CREB5: variants seen among roughly 807,000 people sequenced by gnomAD.
The protein encoded by CREB5 is cyclic AMP-responsive element-binding protein 5.
Under a neutral mutation model 57.1 loss-of-function variants are expected in CREB5, and 19 were observed. That is an observed-to-expected ratio of 0.33 (90% CI 0.23 to 0.49). CREB5 has a LOEUF of 0.49. CREB5 is among the 20% of genes least tolerant of loss of function. The probability of loss-of-function intolerance (pLI) is 0.99; values close to 1 mark genes in which losing one functional copy is unlikely to be tolerated. For missense variants in CREB5, 579 were observed against 671.6 expected (o/e 0.86, Z 1.52); for synonymous variants, 238 against 238.3 (o/e 1.00, Z 0.01).
chr7:28,743,561 C>T (rs1162561555), intron 7 of CREB5, among the ~76,000 whole-genome samples: 1 of 152,092 alleles, frequency 6.6e-6, no homozygotes, highest in Non-Finnish European at 1.5e-5. Flanking sequence ...AAACGAAAAG[C>T]TTAGGAAACT....
At chr7:28,636,941 C>G (rs1798444250) in intron 5 of CREB5, among the ~76,000 whole-genome samples, 1 of 152,040 alleles carries the variant, frequency 6.6e-6, no homozygotes, top group African/African-American at 2.4e-5. Context: ...GTTGCTTGAG[C>G]CCAGGAGTCT....
chr7:28,452,874 G>C (rs1330312927), intron 1 of CREB5, among the ~76,000 whole-genome samples: 1 of 152,230 alleles, frequency 6.6e-6, no homozygotes, highest in Admixed American at 6.5e-5. Context: ...ATGGATCAAG[G>C]AGGGGTGGGA....
chr7:28,434,791 C>T (rs546875660), intron 1 of CREB5, among the ~76,000 whole-genome samples: 24 of 151,990 alleles, frequency 1.6e-4, no homozygotes, highest in Middle Eastern at 3.2e-3. Flanking sequence ...GAACCATGGC[C>T]CTGGCTTTTA....
chr7:28,814,607 T>A (rs1809314835), intron 9 of CREB5, among the ~76,000 whole-genome samples: 1 of 152,204 alleles, frequency 6.6e-6, no homozygotes, highest in Admixed American at 6.5e-5. Flanking sequence ...TTTCATTGGA[T>A]AATTGGGTAA....
chr7:28,654,848 C>T (rs998516919), intron 5 of CREB5, among the ~76,000 whole-genome samples: 6 of 152,092 alleles, frequency 3.9e-5, no homozygotes, highest in Non-Finnish European at 7.4e-5. Context: ...ATTCAAGACC[C>T]CCGTGACCTT....
chr7:28,767,124 T>G (rs1806049034), intron 7 of CREB5, among the ~76,000 whole-genome samples: 1 of 152,240 alleles, frequency 6.6e-6, no homozygotes, highest in African/African-American at 2.4e-5. Context: ...TCTTGTGTTT[T>G]GTCTTCATGT....
chr7:28,318,838 C>T (rs1583668234), intron 1 of CREB5, among the ~76,000 whole-genome samples: 1 of 152,184 alleles, frequency 6.6e-6, no homozygotes, highest in Admixed American at 6.5e-5. Context: ...AATCAAATTG[C>T]TTAGGCTTCT....
chr7:28,811,648 G>A lies in CREB5; in HGVS notation c.1254+2234G>A, dbSNP rs191533403. On this transcript the variant is annotated intron_variant, in intron 9 of 10. Transcript: ENST00000357727. ...GGCCTACAAAAGTGTTGGGATTATA[G>A]GTGTGAGCCACTATGCCCAGCCAAG... is the stretch of plus-strand genomic sequence containing the variant. Among the ~76,000 whole-genome samples the A allele has an allele frequency of 3.9e-5, 6 of 152,206 alleles. No homozygotes were observed. In the East Asian group the frequency reaches 1.2e-3, roughly 29 times the overall value.
At chr7:28,341,229 A>G (rs1036806583) in intron 1 of CREB5, among the ~76,000 whole-genome samples, 1 of 152,046 alleles carries the variant, frequency 6.6e-6, no homozygotes, top group Non-Finnish European at 1.5e-5. Context: ...TTCTACTTTA[A>G]AATTTTACAC....
intron 5 of CREB5, among the ~76,000 whole-genome samples, chr7:28,618,263 TG>T (rs142823089): frequency 0.019 from 2,905 of 152,266 alleles, 100 homozygotes; most frequent in African/African-American, 0.067. Flanking sequence ...TGTCCCTGTG[TG>T]TGCCACTGGG....
chr7:28,780,940 A>T (rs1239538787), intron 7 of CREB5, among the ~76,000 whole-genome samples: 2 of 152,242 alleles, frequency 1.3e-5, no homozygotes, highest in Non-Finnish European at 2.9e-5. Context: ...CTTAGCCAAA[A>T]TAGGGCTAAG....
At chr7:28,717,346 T>A (rs902120640) in intron 5 of CREB5, among the ~76,000 whole-genome samples, 3 of 152,210 alleles carry the variant, frequency 2.0e-5, no homozygotes, top group Non-Finnish European at 4.4e-5. Flanking sequence ...TCTTGACTGA[T>A]TAATGACTAA....
intron 1 of CREB5, among the ~76,000 whole-genome samples, chr7:28,393,800 C>A (rs983285726): frequency 6.6e-6 from 1 of 151,784 alleles, no homozygotes; most frequent in African/African-American, 2.4e-5. Flanking sequence ...TGGGACTGGG[C>A]GCGGTGGCTC....
At chr7:28,453,337 G>T (rs1219788276) in intron 1 of CREB5, among the ~76,000 whole-genome samples, 6 of 152,146 alleles carry the variant, frequency 3.9e-5, no homozygotes, top group Non-Finnish European at 8.8e-5. Flanking sequence ...TACTCTGGAG[G>T]CTGGGGTAGG....
At chr7:28,307,470 C>T (rs1319292960) in intron 1 of CREB5, among the ~76,000 whole-genome samples, 1 of 152,206 alleles carries the variant, frequency 6.6e-6, no homozygotes, top group Non-Finnish European at 1.5e-5. Flanking sequence ...ACTGAACTTG[C>T]TAATGCCTTG....
At chr7:28,626,211 A>G (rs1203179436) in intron 5 of CREB5, among the ~76,000 whole-genome samples, 1 of 152,202 alleles carries the variant, frequency 6.6e-6, no homozygotes, top group African/African-American at 2.4e-5. Context: ...CTTCTTGTCA[A>G]ATGCTCCACT....
intron 1 of CREB5, among the ~76,000 whole-genome samples, chr7:28,419,250 G>A (rs1262584258): frequency 1.3e-5 from 2 of 152,232 alleles, no homozygotes; most frequent in Admixed American, 1.3e-4. Flanking sequence ...GGTCTGTACA[G>A]ATTCATTTGT....
chr7:28,486,937 C>T (rs917362231), intron 1 of CREB5, among the ~76,000 whole-genome samples: 1 of 151,688 alleles, frequency 6.6e-6, no homozygotes, highest in Non-Finnish European at 1.5e-5. Context: ...GACTTTGTCT[C>T]TATTTTTATT....
intron 5 of CREB5, among the ~76,000 whole-genome samples, chr7:28,644,957 C>T (rs1311634741): frequency 6.6e-6 from 1 of 152,092 alleles, no homozygotes; most frequent in Admixed American, 6.6e-5. Context: ...TGAAGAGGCT[C>T]ACAGATGGAA....
Sources: gnomAD v4.1 joint callset for allele counts (sites outside exome capture counted in the v4.1 genomes callset) on GRCh38, gnomAD v4.1.1 for gene constraint, MANE v1.5 for transcripts, NCBI Gene and HGNC (gene_info 2026-07-23, HGNC 2026-07-21) for gene names.